The following C12orf42 variants were observed in gnomAD, a reference collection of about 807,000 sequenced individuals.
C12orf42 encodes uncharacterized protein C12orf42.
C12orf42 carries 25 observed loss-of-function variants against 21.6 expected under a neutral mutation model. The observed-to-expected ratio is 1.16, with a 90% CI of 0.84 to 1.62. C12orf42 has a LOEUF of 1.62. C12orf42 is among the 40% of genes most tolerant of loss of function. C12orf42 has a pLI of 0.00. For synonymous variants in C12orf42, 174 were observed against 175.0 expected (o/e 0.99, Z 0.05); for missense variants, 483 against 459.3 (o/e 1.05, Z -0.47).
At chr12:103,551,152 G>A in the C12orf42 span, among the ~76,000 whole-genome samples, 1 of 152,018 alleles carries the variant, frequency 6.6e-6, no homozygotes, top group Admixed American at 6.6e-5. Context: ...TCAATCCCTT[G>A]CTTGTTTCTC....
At chr12:103,206,504 T>C in the C12orf42 span, among the ~76,000 whole-genome samples, 1 of 141,858 alleles carries the variant, frequency 7.0e-6, no homozygotes, top group Non-Finnish European at 1.6e-5. Flanking sequence ...TTAATCTTTT[T>C]TGGACCTTTT....
chr12:103,212,717 T>G, the C12orf42 span, among the ~76,000 whole-genome samples: 3 of 152,186 alleles, frequency 2.0e-5, no homozygotes, highest in Admixed American at 6.5e-5. Context: ...TTATCGTTAT[T>G]AGCATAGTTA....
chr12:103,554,291 G>C, the C12orf42 span, among the ~76,000 whole-genome samples: 1 of 151,996 alleles, frequency 6.6e-6, no homozygotes, highest in Admixed American at 6.6e-5. Flanking sequence ...GGAAAGAAAA[G>C]GGGAAAAACT....
intron 5 of C12orf42, among the ~76,000 whole-genome samples, chr12:103,275,149 T>C (rs944958365): frequency 2.0e-5 from 3 of 152,152 alleles, no homozygotes; most frequent in African/African-American, 7.2e-5. Context: ...CTGAGGTTGA[T>C]AACTCAAAAA....
chr12:103,258,416 C>G (rs1025772256), intron 10 of C12orf42, among the ~76,000 whole-genome samples: 1 of 151,974 alleles, frequency 6.6e-6, no homozygotes, highest in Non-Finnish European at 1.5e-5. Context: ...AAGGAATAAA[C>G]AAGTCAAAGA....
intron 4 of C12orf42, among the ~76,000 whole-genome samples, chr12:103,347,122 T>C (rs2137368172): frequency 6.6e-6 from 1 of 152,286 alleles, no homozygotes; most frequent in East Asian, 1.9e-4. Flanking sequence ...TTTTGTTATA[T>C]AGGTATACAT....
At chr12:103,230,343 T>G in the C12orf42 span, among the ~76,000 whole-genome samples, 12 of 152,248 alleles carry the variant, frequency 7.9e-5, no homozygotes, top group African/African-American at 2.9e-4. Context: ...AAATGTTCCT[T>G]CTTCAAAGCC....
At chr12:103,063,619 G>A in the C12orf42 span, among the ~76,000 whole-genome samples, 4 of 152,164 alleles carry the variant, frequency 2.6e-5, no homozygotes, top group Admixed American at 6.5e-5. Context: ...AACAGTGATG[G>A]CCTTCCCTGA....
intron 4 of C12orf42, among the ~76,000 whole-genome samples, chr12:103,333,587 G>A (rs1426418754): frequency 1.3e-5 from 2 of 152,134 alleles, no homozygotes; most frequent in Non-Finnish European, 2.9e-5. Context: ...TCCATTTATA[G>A]CTATAGCAGA....
the C12orf42 span, among the ~76,000 whole-genome samples, chr12:103,111,489 C>T: frequency 6.6e-6 from 1 of 152,178 alleles, no homozygotes; most frequent in African/African-American, 2.4e-5. Flanking sequence ...GTGCTTACTA[C>T]ATATATTCAA....
At chr12:103,344,268 G>A (rs1035562544) in intron 4 of C12orf42, among the ~76,000 whole-genome samples, 6 of 152,268 alleles carry the variant, frequency 3.9e-5, no homozygotes, top group South Asian at 2.1e-4. Flanking sequence ...CAAACTTCCC[G>A]GAGCTGTGTT....
chr12:103,062,590 A>G, the C12orf42 span, among the ~76,000 whole-genome samples: 2 of 152,136 alleles, frequency 1.3e-5, no homozygotes, highest in Middle Eastern at 6.8e-3. Context: ...TTTTGCCGTT[A>G]TTTCTAATGA....
chr12:103,552,288 A>G, the C12orf42 span, among the ~76,000 whole-genome samples: 1 of 152,174 alleles, frequency 6.6e-6, no homozygotes, highest in Non-Finnish European at 1.5e-5. Flanking sequence ...TCACTTTGAT[A>G]TAAGTGGCTC....
intron 1 of C12orf42, among the ~76,000 whole-genome samples, chr12:103,490,938 G>T (rs1006410008): frequency 6.6e-6 from 1 of 151,988 alleles, no homozygotes; most frequent in African/African-American, 2.4e-5. Context: ...TTACATTGAT[G>T]AATTAAATGT....
the C12orf42 span, among the ~76,000 whole-genome samples, chr12:103,108,243 G>A: frequency 4.0e-5 from 6 of 151,486 alleles, no homozygotes; most frequent in African/African-American, 1.5e-4. Context: ...AACTTTCCAA[G>A]AACAATTGTC....
At chr12:103,208,648 A>G in the C12orf42 span, among the ~76,000 whole-genome samples, 3 of 152,226 alleles carry the variant, frequency 2.0e-5, no homozygotes, top group East Asian at 1.9e-4. Flanking sequence ...CTTGATTTAG[A>G]AAAACATGCA....
chr12:103,314,209 G>A (rs2039243571), intron 4 of C12orf42, among the ~76,000 whole-genome samples: 1 of 152,042 alleles, frequency 6.6e-6, no homozygotes, highest in African/African-American at 2.4e-5. Context: ...GAGGGCAGGA[G>A]AGGTGTTGGG....
chr12:103,378,663 A>G (rs1566191484), intron 3 of C12orf42: 2 of 152,242 alleles, frequency 1.3e-5, no homozygotes, highest in Non-Finnish European at 2.9e-5. Flanking sequence ...GGCTTGGCAG[A>G]GCAGTATAAC....
the C12orf42 span, among the ~76,000 whole-genome samples, chr12:103,157,638 T>C: frequency 2.0e-5 from 3 of 152,222 alleles, no homozygotes; most frequent in Admixed American, 6.5e-5. Flanking sequence ...CTTGAGTTAA[T>C]TTTTGTATAA....
Sources: allele counts gnomAD v4.1 joint callset (sites outside exome capture counted in the v4.1 genomes callset), GRCh38; gene constraint gnomAD v4.1.1; transcripts MANE v1.5; gene names NCBI Gene and HGNC (gene_info 2026-07-23, HGNC 2026-07-21).